The following NEGR1 variants were observed in gnomAD, a reference collection of about 807,000 sequenced individuals.
NEGR1 encodes IgLON family member 4.
In NEGR1, 10 loss-of-function variants were observed where a neutral mutation model predicts 40.9. That is an observed-to-expected ratio of 0.24 (90% CI 0.15 to 0.42). The LOEUF (loss-of-function observed/expected upper bound fraction) is 0.42. Among genes scored for constraint, NEGR1 ranks in the 10% least tolerant of loss-of-function variants. The probability of loss-of-function intolerance (pLI) is 1.00; values close to 1 mark genes in which losing one functional copy is unlikely to be tolerated. For missense variants in NEGR1, 352 were observed against 438.9 expected (o/e 0.80, Z 1.77); for synonymous variants, 185 against 166.8 (o/e 1.11, Z -0.84).
intron 1 of NEGR1, among the ~76,000 whole-genome samples, chr1:71,938,806 A>C (rs973219587): frequency 6.6e-6 from 1 of 152,114 alleles, no homozygotes; most frequent in Non-Finnish European, 1.5e-5. Flanking sequence ...ACAGGGAGTG[A>C]AAAATGTAGT....
intron 6 of NEGR1, among the ~76,000 whole-genome samples, chr1:71,581,371 C>T (rs1292086277): frequency 2.0e-5 from 3 of 152,030 alleles, no homozygotes; most frequent in South Asian, 2.1e-4. Context: ...ACATTAATGT[C>T]GACACAAAAA....
chr1:72,274,156 C>G (rs568586537), intron 1 of NEGR1, among the ~76,000 whole-genome samples: 2 of 151,946 alleles, frequency 1.3e-5, no homozygotes, highest in Non-Finnish European at 2.9e-5. Flanking sequence ...ATGTGCTACA[C>G]TTTACCCGCT....
chr1:71,686,441 TCAA>T (rs1230472566), intron 4 of NEGR1, among the ~76,000 whole-genome samples: 2 of 152,132 alleles, frequency 1.3e-5, no homozygotes, highest in African/African-American at 2.4e-5. Flanking sequence ...TTTGTTATCT[TCAA>T]CATGTAGCTT....
chr1:71,410,149 A>AT (rs1646309882), intron 6 of NEGR1, among the ~76,000 whole-genome samples: 2 of 152,068 alleles, frequency 1.3e-5, no homozygotes, highest in Non-Finnish European at 2.9e-5. Flanking sequence ...AAATTTATAT[A>AT]CTTTTTTGTT....
chr1:71,962,500 T>C (rs1383490562), intron 1 of NEGR1, among the ~76,000 whole-genome samples: 2 of 152,024 alleles, frequency 1.3e-5, no homozygotes, highest in African/African-American at 2.4e-5. Flanking sequence ...GGTCAGATTG[T>C]GTAAGTGGGG....
intron 2 of NEGR1, among the ~76,000 whole-genome samples, chr1:71,933,234 C>A (rs1178285770): frequency 6.6e-6 from 1 of 151,910 alleles, no homozygotes; most frequent in East Asian, 1.9e-4. Flanking sequence ...CAATATTAAA[C>A]AACCTATGTA....
intron 6 of NEGR1, among the ~76,000 whole-genome samples, chr1:71,503,831 C>T (rs357200): frequency 0.64 from 96,420 of 151,424 alleles, 31,114 homozygotes; most frequent in African/African-American, 0.7. Flanking sequence ...GAGAAGAAAA[C>T]GAAATGATTA....
At chr1:71,799,299 G>A (rs1657467309) in intron 2 of NEGR1, among the ~76,000 whole-genome samples, 1 of 152,064 alleles carries the variant, frequency 6.6e-6, no homozygotes, top group Admixed American at 6.6e-5. Flanking sequence ...ACGGTGTTTG[G>A]TTTTCTGTTC....
intron 1 of NEGR1, among the ~76,000 whole-genome samples, chr1:72,166,204 C>CTT (rs1184393438): frequency 6.6e-6 from 1 of 151,922 alleles, no homozygotes; most frequent in Non-Finnish European, 1.5e-5. Context: ...ATAAAAGAGA[C>CTT]TTTTACTGCC....
At chr1:72,268,849 G>T (rs1319851181) in intron 1 of NEGR1, among the ~76,000 whole-genome samples, 1 of 151,374 alleles carries the variant, frequency 6.6e-6, no homozygotes, top group Non-Finnish European at 1.5e-5. Context: ...AAATGGAAGG[G>T]TTTAAGAACG....
At chr1:71,589,007 T>C (rs949590236) in intron 6 of NEGR1, among the ~76,000 whole-genome samples, 6 of 152,062 alleles carry the variant, frequency 3.9e-5, no homozygotes, top group African/African-American at 1.4e-4. Flanking sequence ...AAAAGCGCAA[T>C]TTATTATCCA....
At chr1:71,978,260 G>A (rs1646323966) in intron 1 of NEGR1, among the ~76,000 whole-genome samples, 3 of 152,140 alleles carry the variant, frequency 2.0e-5, no homozygotes, top group African/African-American at 4.8e-5. Flanking sequence ...TATGAAAAGT[G>A]TTTGTTCTCT....
Position 71,935,304 on chromosome 1 carries a change from A to G in NEGR1, c.184T>C (p.Leu62=). 1.2e-6 allele frequency: 2 copies of G among 1,601,910 alleles called. No homozygotes were observed. Among genetic ancestry groups the G allele is most frequent in the South Asian group, 1.1e-5 (1 of 90,826 alleles). ...GCACCCTTTGAAGCTCCATCTTCCA[A>G]ATAACACCTACAAATTACAAGAGAT... ...KGDTAVLRCY[L]EDGASKGAWL... The change falls in exon 2 of 7, where the codon TTG becomes CTG. Residue 62 remains leucine (L), a synonymous_variant. Coordinates refer to ENST00000357731, the MANE Select transcript of NEGR1 (RefSeq NM_173808.3).
At chr1:72,206,932 T>C (rs939804705) in intron 1 of NEGR1, among the ~76,000 whole-genome samples, 4 of 151,902 alleles carry the variant, frequency 2.6e-5, no homozygotes, top group African/African-American at 9.6e-5. Flanking sequence ...GTAGAATTAA[T>C]CACAAAGACT....
At chr1:71,670,715 T>C (rs1652392502) in intron 4 of NEGR1, among the ~76,000 whole-genome samples, 1 of 152,126 alleles carries the variant, frequency 6.6e-6, no homozygotes, top group Non-Finnish European at 1.5e-5. Flanking sequence ...TCTTGGATCG[T>C]GAATCTTTAC....
chr1:71,859,318 G>C (rs934151843), intron 2 of NEGR1, among the ~76,000 whole-genome samples: 1 of 151,946 alleles, frequency 6.6e-6, no homozygotes, highest in Non-Finnish European at 1.5e-5. Context: ...TTCCTTAAAC[G>C]CTGCATGGCT....
rs1277994060 is a variant in NEGR1, at chr1:72,089,005, A to G, written c.177-153694T>C. On this transcript the variant is annotated intron_variant, in intron 1 of 6. Transcript: ENST00000357731. ...AATGTAGTTTTAAAAGGAATGCTTT[A>G]CCAAGAAGCAGTATTAACAGAGCCA... Among the ~76,000 whole-genome samples, 17 of 151,902 alleles carry G rather than the reference A, an allele frequency of 1.1e-4. 1 individual carries two copies. The highest frequency in any genetic ancestry group is 1.5e-5 in the Non-Finnish European group (1 of 67,900).
At chr1:72,012,898 G>A (rs1646671969) in intron 1 of NEGR1, among the ~76,000 whole-genome samples, 1 of 143,154 alleles carries the variant, frequency 7.0e-6, no homozygotes. Context: ...TGTAGAGCAA[G>A]ATACTAGTTG....
At chr1:72,080,302 A>T (rs1179705338) in intron 1 of NEGR1, among the ~76,000 whole-genome samples, 1 of 152,114 alleles carries the variant, frequency 6.6e-6, no homozygotes, top group Non-Finnish European at 1.5e-5. Flanking sequence ...TTAAGCATTT[A>T]TGTACAAGCA....
Sources: allele counts gnomAD v4.1 joint callset (sites outside exome capture counted in the v4.1 genomes callset), GRCh38; gene constraint gnomAD v4.1.1; transcripts MANE v1.5; gene names NCBI Gene and HGNC (gene_info 2026-07-23, HGNC 2026-07-21).